The following CDH4 variants were observed in gnomAD, a reference collection of about 807,000 sequenced individuals.
CDH4 encodes the protein cadherin-4.
In CDH4, 33 loss-of-function variants were observed where a neutral mutation model predicts 86.0. The ratio of observed to expected loss-of-function variants is 0.38; its 90% confidence interval spans 0.29 to 0.51. The LOEUF (loss-of-function observed/expected upper bound fraction) is 0.51, where lower values mean the gene tolerates loss of function less well. Among genes scored for constraint, CDH4 ranks in the 20% least tolerant of loss-of-function variants. CDH4 has a pLI of 0.86. For synonymous variants in CDH4, 555 were observed against 549.4 expected (o/e 1.01, Z -0.14); for missense variants, 1,114 against 1,307.4 (o/e 0.85, Z 2.28).
intron 2 of CDH4, among the ~76,000 whole-genome samples, chr20:61,605,351 G>C (rs1045771158): frequency 6.6e-6 from 1 of 151,482 alleles, no homozygotes; most frequent in African/African-American, 2.4e-5. Flanking sequence ...GTCTCTCTCT[G>C]TCTCCCTATT....
At chr20:61,860,828 G>A (rs566232859) in intron 6 of CDH4, among the ~76,000 whole-genome samples, 1 of 152,188 alleles carries the variant, frequency 6.6e-6, no homozygotes, top group South Asian at 2.1e-4. Context: ...CCTCCTGCAG[G>A]ATCCTGGCAT....
At chr20:61,503,344 GA>G (rs752699957) in intron 2 of CDH4, among the ~76,000 whole-genome samples, 5 of 152,352 alleles carry the variant, frequency 3.3e-5, no homozygotes, top group Non-Finnish European at 5.9e-5. Flanking sequence ...TTGCAAATAT[GA>G]AGGATATGCT....
chr20:61,770,037 G>A (rs2088755780), intron 3 of CDH4, among the ~76,000 whole-genome samples: 1 of 152,198 alleles, frequency 6.6e-6, no homozygotes, highest in Admixed American at 6.5e-5. Context: ...ACAGGCTACT[G>A]GTCTGGGCGA....
chr20:61,636,776 C>T (rs1007563734), intron 2 of CDH4, among the ~76,000 whole-genome samples: 2 of 152,228 alleles, frequency 1.3e-5, no homozygotes, highest in East Asian at 1.9e-4. Context: ...GCACCAGGTG[C>T]CTGAACCCCA....
At chr20:61,257,680 A>G (rs947229400) in intron 2 of CDH4, among the ~76,000 whole-genome samples, 4 of 152,240 alleles carry the variant, frequency 2.6e-5, no homozygotes, top group Non-Finnish European at 5.9e-5. Context: ...CTTAGGCTAA[A>G]ATGCAGTGTT....
At chr20:61,550,211 T>C (rs140623523) in intron 2 of CDH4, among the ~76,000 whole-genome samples, 1,642 of 50,870 alleles carry the variant, frequency 0.032, 4 homozygotes, top group Middle Eastern at 0.098. Flanking sequence ...CCCTAGCCTG[T>C]TTCCCTGGCC....
At chr20:61,355,812 C>T (rs1179601395) in intron 2 of CDH4, among the ~76,000 whole-genome samples, 2 of 152,232 alleles carry the variant, frequency 1.3e-5, no homozygotes, top group African/African-American at 2.4e-5. Context: ...ATGCGCACTA[C>T]AGTCAGAAGG....
intron 2 of CDH4, among the ~76,000 whole-genome samples, chr20:61,403,498 A>G (rs2085061726): frequency 6.6e-6 from 1 of 152,014 alleles, no homozygotes; most frequent in Non-Finnish European, 1.5e-5. Flanking sequence ...GATGTTCTGG[A>G]GAGTGGCCAC....
intron 2 of CDH4, among the ~76,000 whole-genome samples, chr20:61,534,649 T>C (rs552527374): frequency 8.3e-4 from 90 of 108,990 alleles, no homozygotes; most frequent in African/African-American, 3.2e-3. Context: ...TCTTTCTTTC[T>C]TTTCTTTCTT....
chr20:61,468,639 T>C (rs918069852), intron 2 of CDH4, among the ~76,000 whole-genome samples: 146 of 152,294 alleles, frequency 9.6e-4, no homozygotes, highest in African/African-American at 3.3e-3. Flanking sequence ...TAGTAGGTCT[T>C]ACTCATTCTA....
chr20:61,737,749 C>T (rs982522500), intron 2 of CDH4, among the ~76,000 whole-genome samples: 3 of 152,206 alleles, frequency 2.0e-5, no homozygotes, highest in African/African-American at 7.2e-5. Flanking sequence ...AGTGCCTGCC[C>T]TATGCCAGGT....
chr20:61,625,187 A>G lies in CDH4; in HGVS notation c.170-118376A>G, dbSNP rs576234069. On this transcript the variant is annotated intron_variant, in intron 2 of 15. Transcript: ENST00000614565. ...GGGAAGCACCTCTCCCGAGCTGTGC[A>G]TGGACTATCTGTGAGGTCTCCAGAG... is the stretch of plus-strand genomic sequence containing the variant. 4.1e-3 allele frequency among the ~76,000 whole-genome samples: 617 copies of G among 152,286 alleles called. 8 individuals carry two copies. The highest frequency in any genetic ancestry group is 0.014 in the African/African-American group (573 of 41,544).
intron 7 of CDH4, among the ~76,000 whole-genome samples, chr20:61,890,031 A>G (rs1449806703): frequency 7.0e-6 from 1 of 142,572 alleles, no homozygotes; most frequent in African/African-American, 2.7e-5. Context: ...TGGATGAGTG[A>G]GTGGATAGTT....
chr20:61,767,372 G>A (rs2088712416), intron 3 of CDH4, among the ~76,000 whole-genome samples: 1 of 152,222 alleles, frequency 6.6e-6, no homozygotes, highest in Non-Finnish European at 1.5e-5. Flanking sequence ...TAACGTGTGG[G>A]ACTAGGAAAA....
chr20:61,461,566 C>T (rs996557898), intron 2 of CDH4, among the ~76,000 whole-genome samples: 1 of 152,084 alleles, frequency 6.6e-6, no homozygotes, highest in Middle Eastern at 3.2e-3. Context: ...AGTCCAGGCA[C>T]GGATGCCTGG....
chr20:61,412,424 C>T (rs891582205), intron 2 of CDH4, among the ~76,000 whole-genome samples: 3 of 152,116 alleles, frequency 2.0e-5, no homozygotes, highest in Admixed American at 6.5e-5. Flanking sequence ...CCCAGAGTGC[C>T]GGAGGTTACA....
At chr20:61,649,305 C>A (rs1302288321) in intron 2 of CDH4, among the ~76,000 whole-genome samples, 1 of 152,220 alleles carries the variant, frequency 6.6e-6, no homozygotes, top group African/African-American at 2.4e-5. Context: ...AAGAGGAGCA[C>A]GTCTGGCAGA....
chr20:61,727,528 G>A (rs2088130569), intron 2 of CDH4, among the ~76,000 whole-genome samples: 1 of 152,158 alleles, frequency 6.6e-6, no homozygotes, highest in Admixed American at 6.5e-5. Flanking sequence ...GACAACCTGA[G>A]GCTGGGTAAT....
At chr20:61,858,145 G>C (rs1057121921) in intron 6 of CDH4, among the ~76,000 whole-genome samples, 1 of 147,952 alleles carries the variant, frequency 6.8e-6, no homozygotes, top group Non-Finnish European at 1.5e-5. Flanking sequence ...ATCTGTGTGT[G>C]TGTCTGTGTC....
Sources: allele counts gnomAD v4.1 joint callset (sites outside exome capture counted in the v4.1 genomes callset), GRCh38; gene constraint gnomAD v4.1.1; transcripts MANE v1.5; gene names NCBI Gene and HGNC (gene_info 2026-07-23, HGNC 2026-07-21).